The following GRIK3 variants were observed in gnomAD, a reference collection of about 807,000 sequenced individuals.
The protein encoded by GRIK3 is glutamate receptor ionotropic, kainate 3.
Under a neutral mutation model 102.5 loss-of-function variants are expected in GRIK3, and 29 were observed. The ratio of observed to expected loss-of-function variants is 0.28; its 90% CI spans 0.21 to 0.39. The LOEUF (loss-of-function observed/expected upper bound fraction) is 0.39. Among genes scored for constraint, GRIK3 ranks in the 10% least tolerant of loss-of-function variants. GRIK3 has a pLI of 1.00. For synonymous variants in GRIK3, 511 were observed against 504.9 expected (o/e 1.01, Z -0.16); for missense variants, 908 against 1,252.4 (o/e 0.73, Z 4.15).
chr1:36,941,494 C>CAGCT (rs1348575965), intron 1 of GRIK3, among the ~76,000 whole-genome samples: 2 of 152,122 alleles, frequency 1.3e-5, no homozygotes, highest in Admixed American at 6.6e-5. Context: ...AGAGTGGGGA[C>CAGCT]AGCTGCCTTT....
At position 36,909,130 on chromosome 1, in the gene GRIK3, A is replaced by G. The variant is rs1248395549; in HGVS notation, c.116-18034T>C. ...ACAAAGTGGCAAAATTCTCTTTGCAACCAAAGCCAGTGACGTGCTGCAGCC... is the reference window on the plus strand; with the variant it reads ...ACAAAGTGGCAAAATTCTCTTTGCAGCCAAAGCCAGTGACGTGCTGCAGCC... On this transcript the variant is annotated intron_variant, in intron 1 of 15. Coordinates refer to ENST00000373091, the MANE Select transcript of GRIK3 (RefSeq NM_000831.4). Among the ~76,000 whole-genome samples, 3 of 152,328 alleles carry G rather than the reference A, an allele frequency of 2.0e-5. No homozygotes were observed. The East Asian group carries it at 5.8e-4, about 29-fold the overall frequency.
intron 1 of GRIK3, among the ~76,000 whole-genome samples, chr1:36,940,669 G>T (rs1480660522): frequency 6.6e-6 from 1 of 152,216 alleles, no homozygotes; most frequent in African/African-American, 2.4e-5. Context: ...CCTGGCAGAG[G>T]AGAAGGTATC....
intron 1 of GRIK3, among the ~76,000 whole-genome samples, chr1:36,997,917 A>G (rs1642436832): frequency 1.3e-5 from 2 of 152,150 alleles, no homozygotes; most frequent in Non-Finnish European, 2.9e-5. Flanking sequence ...GACCAGGCCC[A>G]TTTTCCTGGC....
intron 13 of GRIK3, among the ~76,000 whole-genome samples, chr1:36,814,942 C>T (rs78107402): frequency 0.039 from 5,996 of 152,254 alleles, 396 homozygotes; most frequent in African/African-American, 0.14. Context: ...GATGCAGACA[C>T]GTGTCCAAGC....
chr1:36,890,033 A>G (rs1442442601), intron 2 of GRIK3, among the ~76,000 whole-genome samples: 1 of 152,086 alleles, frequency 6.6e-6, no homozygotes, highest in Non-Finnish European at 1.5e-5. Flanking sequence ...ATGCTGGGAA[A>G]AGAGTGGCAG....
chr1:36,904,800 G>A (rs887746505), intron 1 of GRIK3, among the ~76,000 whole-genome samples: 2 of 152,176 alleles, frequency 1.3e-5, no homozygotes, highest in African/African-American at 2.4e-5. Flanking sequence ...CATGGGTTTT[G>A]CTGGGGCCAG....
chr1:37,005,316 G>A (rs1214440940), intron 1 of GRIK3, among the ~76,000 whole-genome samples: 2 of 152,226 alleles, frequency 1.3e-5, no homozygotes, highest in African/African-American at 2.4e-5. Context: ...CACTAGGGCT[G>A]ACTCTGGCCT....
At chr1:36,893,923 C>G (rs561007123) in intron 1 of GRIK3, among the ~76,000 whole-genome samples, 1 of 152,266 alleles carries the variant, frequency 6.6e-6, no homozygotes, top group East Asian at 1.9e-4. Context: ...GAACTTATGT[C>G]TTTAACATAA....
intron 1 of GRIK3, among the ~76,000 whole-genome samples, chr1:36,974,483 A>G (rs1295349509): frequency 1.3e-5 from 2 of 152,182 alleles, no homozygotes; most frequent in East Asian, 3.8e-4. Context: ...TATAAACACA[A>G]ATGAAATATT....
intron 10 of GRIK3, among the ~76,000 whole-genome samples, chr1:36,830,358 G>GC (rs989974054): frequency 2.7e-5 from 4 of 147,886 alleles, no homozygotes; most frequent in African/African-American, 7.4e-5. Flanking sequence ...ATTGAATTAT[G>GC]CCCCCCCACC....
intron 2 of GRIK3, among the ~76,000 whole-genome samples, chr1:36,889,717 T>C (rs1641080925): frequency 1.3e-5 from 2 of 152,050 alleles, no homozygotes; most frequent in African/African-American, 4.8e-5. Flanking sequence ...TGCCCTGGGG[T>C]TCCCTGCCTG....
intron 3 of GRIK3, among the ~76,000 whole-genome samples, chr1:36,876,563 A>G (rs750455084): frequency 1.3e-5 from 2 of 152,168 alleles, no homozygotes; most frequent in African/African-American, 4.8e-5. Context: ...TGTCAGTGAG[A>G]TAACGGTTTA....
chr1:36,855,483 G>A (rs1447679596), intron 7 of GRIK3, among the ~76,000 whole-genome samples: 1 of 152,192 alleles, frequency 6.6e-6, no homozygotes, highest in Non-Finnish European at 1.5e-5. Context: ...TTGGGTAAAT[G>A]TGCATATGCA....
chr1:36,845,007 A>G (rs1475284849), intron 9 of GRIK3, among the ~76,000 whole-genome samples: 4 of 152,168 alleles, frequency 2.6e-5, no homozygotes, highest in Non-Finnish European at 4.4e-5. Flanking sequence ...ATACATCTCC[A>G]TATAAATACG....
chr1:36,842,353 C>A (rs573995529), intron 9 of GRIK3, among the ~76,000 whole-genome samples: 37 of 152,304 alleles, frequency 2.4e-4, no homozygotes, highest in African/African-American at 8.2e-4. Flanking sequence ...TCAGGCCCCA[C>A]CCCAGACCTA....
chr1:36,859,428 G>A (rs56706906), intron 6 of GRIK3, among the ~76,000 whole-genome samples, 177 bp from the exon 7 acceptor site: 1 of 152,096 alleles, frequency 6.6e-6, no homozygotes, highest in Non-Finnish European at 1.5e-5. Context: ...AGGCTTGGCT[G>A]ACTCTGCTGC....
At chr1:36,887,283 G>C (rs1641047925) in intron 2 of GRIK3, among the ~76,000 whole-genome samples, 1 of 152,142 alleles carries the variant, frequency 6.6e-6, no homozygotes, top group African/African-American at 2.4e-5. Flanking sequence ...GTTAGACAAA[G>C]ACTTCTCAAA....
intron 10 of GRIK3, among the ~76,000 whole-genome samples, chr1:36,829,789 A>G (rs1642796169): frequency 6.6e-6 from 1 of 152,108 alleles, no homozygotes; most frequent in Non-Finnish European, 1.5e-5. Context: ...GAACAATTTA[A>G]CCTGCTATAG....
At chr1:36,915,623 G>A (rs1041193045) in intron 1 of GRIK3, among the ~76,000 whole-genome samples, 1 of 152,072 alleles carries the variant, frequency 6.6e-6, no homozygotes, top group Non-Finnish European at 1.5e-5. Context: ...AATCATGGGG[G>A]CAGGTCTTTC....
Sources: gnomAD v4.1 joint callset for allele counts (sites outside exome capture counted in the v4.1 genomes callset) on GRCh38, gnomAD v4.1.1 for gene constraint, MANE v1.5 for transcripts, NCBI Gene and HGNC (gene_info 2026-07-23, HGNC 2026-07-21) for gene names.